The following HS2ST1 variants were observed in gnomAD, a reference collection of about 807,000 sequenced individuals.
HS2ST1 encodes the protein heparan sulfate 2-O-sulfotransferase 1.
HS2ST1 carries 18 observed loss-of-function variants against 42.9 expected under a neutral mutation model. That is an observed-to-expected ratio of 0.42 (90% confidence interval 0.29 to 0.62). HS2ST1 has a LOEUF of 0.62. Among genes scored for constraint, HS2ST1 ranks in the 20% least tolerant of loss-of-function variants. HS2ST1 has a pLI of 0.21. For synonymous variants in HS2ST1, 146 were observed against 152.9 expected (o/e 0.95, Z 0.33); for missense variants, 334 against 433.8 (o/e 0.77, Z 2.04).
chr1:87,097,098 C>T (rs1652085787), intron 4 of HS2ST1, among the ~76,000 whole-genome samples: 1 of 152,180 alleles, frequency 6.6e-6, no homozygotes. Flanking sequence ...TGTAAATCCC[C>T]AAGGTGCAGT....
At chr1:86,978,340 C>A (rs1481703502) in intron 1 of HS2ST1, among the ~76,000 whole-genome samples, 3 of 152,132 alleles carry the variant, frequency 2.0e-5, no homozygotes, top group Non-Finnish European at 4.4e-5. Flanking sequence ...ATGTATTATG[C>A]ATGTTTTAAT....
intron 1 of HS2ST1, among the ~76,000 whole-genome samples, chr1:87,024,740 T>C (rs1220504631): frequency 6.6e-6 from 1 of 152,196 alleles, no homozygotes; most frequent in Non-Finnish European, 1.5e-5. Context: ...GCCATTGAAA[T>C]AGGAATACTT....
chr1:86,990,809 ATTT>A (rs765958847), intron 1 of HS2ST1, among the ~76,000 whole-genome samples: 1 of 53,096 alleles, frequency 1.9e-5, no homozygotes, highest in Admixed American at 3.4e-4. Flanking sequence ...TGCCTGGCTA[ATTT>A]TATATATATA....
intron 1 of HS2ST1, among the ~76,000 whole-genome samples, chr1:86,994,675 G>C (rs1649047143): frequency 6.6e-6 from 1 of 151,822 alleles, no homozygotes; most frequent in Non-Finnish European, 1.5e-5. Context: ...GGGTCTCAGT[G>C]GTTAAGTCCA....
chr1:87,046,400 G>C lies in HS2ST1; in HGVS notation c.125-26534G>C, dbSNP rs190566434. On this transcript the variant is annotated intron_variant, in intron 1 of 6. Coordinates refer to ENST00000370550, the MANE Select transcript of HS2ST1 (RefSeq NM_012262.4). ...GACAGAGCTGACCCTGAAGCTGCCT[G>C]GGAACCAACAGAAGCCAAAGCCAGA... The C allele has an allele frequency of 5.9e-4, 477 of 810,578 alleles. 8 individuals carry two copies. In the East Asian group the frequency reaches 0.011, roughly 18 times the overall value. The allele number at this position is 810,578 out of a possible 1,614,324, so 50.2% of individuals were successfully genotyped here.
chr1:87,015,756 T>C (rs770943216), intron 1 of HS2ST1, among the ~76,000 whole-genome samples: 12 of 152,196 alleles, frequency 7.9e-5, no homozygotes, highest in Non-Finnish European at 1.8e-4. Flanking sequence ...TATTTTGAAT[T>C]TCTACCATAG....
At chr1:86,991,548 T>C (rs536183487) in intron 1 of HS2ST1, among the ~76,000 whole-genome samples, 90 of 152,236 alleles carry the variant, frequency 5.9e-4, no homozygotes, top group Non-Finnish European at 1.0e-3. Context: ...TATAGTTCAC[T>C]ATATCCAGAA....
In HS2ST1 at chr1:86,914,914, T is replaced by C. The variant is rs2102144808; in HGVS notation, c.-123T>C. On this transcript the variant is annotated 5_prime_UTR_variant, in exon 1 of 7. Coordinates refer to ENST00000370550, the MANE Select transcript of HS2ST1 (RefSeq NM_012262.4). ...AGAAGGGGGGTCGCTGCGGTGGTTC[T>C]CTCGCTGTCGCTCTCTCTTTGCCTC... is the stretch of plus-strand genomic sequence containing the variant. 4.8e-6 allele frequency: 6 copies of C among 1,252,088 alleles called. No homozygotes were observed. The Admixed American group carries it at 6.3e-5, about 13-fold the overall frequency. The allele number at this position is 1,252,088 out of a possible 1,614,324, so 77.6% of individuals were successfully genotyped here. A position where few individuals can be genotyped will look rare whatever the true frequency, so the allele number is the denominator to read the frequency against.
chr1:87,050,836 G>A (rs1486463917), intron 1 of HS2ST1, among the ~76,000 whole-genome samples: 1 of 152,040 alleles, frequency 6.6e-6, no homozygotes, highest in East Asian at 1.9e-4. Flanking sequence ...CTCCTACAGA[G>A]TCTTGGCACC....
chr1:87,018,548 G>A (rs975299084), intron 1 of HS2ST1, among the ~76,000 whole-genome samples: 2 of 152,168 alleles, frequency 1.3e-5, no homozygotes, highest in Non-Finnish European at 2.9e-5. Context: ...CATCTTCTGG[G>A]TGGTTTTATA....
chr1:86,986,577 C>T (rs1428653713), intron 1 of HS2ST1, among the ~76,000 whole-genome samples: 1 of 152,178 alleles, frequency 6.6e-6, no homozygotes, highest in Non-Finnish European at 1.5e-5. Flanking sequence ...TTTGGATTAT[C>T]TACATTGCCC....
intron 1 of HS2ST1, among the ~76,000 whole-genome samples, chr1:86,923,023 TTG>T (rs377733632): frequency 1.3e-5 from 2 of 151,468 alleles, no homozygotes; most frequent in African/African-American, 4.9e-5. Flanking sequence ...CTCAGTCTTT[TTG>T]TGTGTGTGTG....
chr1:87,002,095 G>T, intron 1 of HS2ST1, among the ~76,000 whole-genome samples: 1 of 151,566 alleles, frequency 6.6e-6, no homozygotes, highest in Non-Finnish European at 1.5e-5. Context: ...TGTATGTTTA[G>T]TAGAGATGGG....
At chr1:86,947,254 G>A (rs559982376) in intron 1 of HS2ST1, among the ~76,000 whole-genome samples, 7 of 152,334 alleles carry the variant, frequency 4.6e-5, no homozygotes, top group African/African-American at 1.7e-4. Context: ...CAGCTTGCAG[G>A]ACAGGCAGAA....
intron 1 of HS2ST1, among the ~76,000 whole-genome samples, chr1:87,027,305 G>C (rs1650112612): frequency 6.6e-6 from 1 of 152,060 alleles, no homozygotes; most frequent in South Asian, 2.1e-4. Flanking sequence ...CACTGTCTTT[G>C]AGTTTCATAA....
At chr1:86,924,741 C>T (rs575984559) in intron 1 of HS2ST1, among the ~76,000 whole-genome samples, 65 of 152,230 alleles carry the variant, frequency 4.3e-4, no homozygotes, top group Middle Eastern at 3.4e-3. Context: ...GCACATAGCA[C>T]GGGGACCCTG....
At chr1:86,995,148 T>G (rs1480672067) in intron 1 of HS2ST1, among the ~76,000 whole-genome samples, 1 of 152,198 alleles carries the variant, frequency 6.6e-6, no homozygotes, top group East Asian at 1.9e-4. Flanking sequence ...AACTGTTGGA[T>G]TTCTTGTTTC....
At chr1:87,038,839 A>C (rs1009613332) in intron 1 of HS2ST1, among the ~76,000 whole-genome samples, 3 of 152,182 alleles carry the variant, frequency 2.0e-5, no homozygotes, top group Admixed American at 1.3e-4. Flanking sequence ...GAAACTAAAA[A>C]AAAAATGGAT....
At chr1:86,921,372 T>G (rs1328478918) in intron 1 of HS2ST1, among the ~76,000 whole-genome samples, 2 of 152,220 alleles carry the variant, frequency 1.3e-5, no homozygotes, top group African/African-American at 4.8e-5. Context: ...GTCTTCTTGA[T>G]GGACCAACCC....
Sources: gnomAD v4.1 joint callset for allele counts (sites outside exome capture counted in the v4.1 genomes callset) on GRCh38, gnomAD v4.1.1 for gene constraint, MANE v1.5 for transcripts, NCBI Gene and HGNC (gene_info 2026-07-23, HGNC 2026-07-21) for gene names.